SIAH3: variants seen among roughly 807,000 people sequenced by gnomAD.
The protein encoded by SIAH3 is seven in absentia homolog 3.
A neutral mutation model predicts 12.6 loss-of-function variants in SIAH3; 9 were observed. That is an observed-to-expected ratio of 0.72 (90% confidence interval 0.43 to 1.25). The LOEUF is 1.25. Ranked by LOEUF, SIAH3 falls within the 50% of genes most tolerant of loss-of-function variation. SIAH3 has a pLI of 0.00. For missense variants in SIAH3, 390 were observed against 365.4 expected (o/e 1.07, Z -0.55); for synonymous variants, 154 against 151.1 (o/e 1.02, Z -0.14).
Position 45,783,811 on chromosome 13 carries a change from G to A in SIAH3, c.382C>T (p.Arg128Trp), listed in dbSNP as rs372951526. ...GRLEVVVPHL[R>W]QIHRVDILQG... is the part of the protein sequence containing the mutation. Reference sequence around the variant, plus strand: ...AGGATGTCAACCCTATGGATCTGCCGCAGGTGGGGCACCACCACCTCCAGG... The same window carrying A: ...AGGATGTCAACCCTATGGATCTGCCACAGGTGGGGCACCACCACCTCCAGG... The change falls in exon 2 of 2, where the codon CGG (arginine) becomes TGG (tryptophan). Residue 128 changes from arginine (R) to tryptophan (W), a missense_variant. Arg to Trp is a moderately radical substitution (Grantham distance 101). Coordinates refer to ENST00000400405, the MANE Select transcript of SIAH3 (RefSeq NM_198849.3). 1.4e-5 allele frequency: 23 copies of A among 1,614,068 alleles called. No individual in the cohort carries two copies. The highest frequency in any genetic ancestry group is 1.8e-5 in the Non-Finnish European group (21 of 1,180,032).
intron 1 of SIAH3, among the ~76,000 whole-genome samples, chr13:45,848,903 A>G (rs1950769583): frequency 6.6e-6 from 1 of 152,206 alleles, no homozygotes; most frequent in Non-Finnish European, 1.5e-5. Context: ...TTAACAAAAG[A>G]AGGACTTTCC....
At chr13:45,795,837 C>T (rs1191532119) in intron 1 of SIAH3, among the ~76,000 whole-genome samples, 1 of 152,160 alleles carries the variant, frequency 6.6e-6, no homozygotes, top group African/African-American at 2.4e-5. Flanking sequence ...CCTAAATGTT[C>T]TTCTAATGAG....
intron 1 of SIAH3, among the ~76,000 whole-genome samples, chr13:45,812,604 G>C (rs1950619855): frequency 6.6e-6 from 1 of 152,044 alleles, no homozygotes; most frequent in African/African-American, 2.4e-5. Context: ...AGGACCCCGG[G>C]GTACAGCTTC....
chr13:45,808,181 T>G (rs1050618705), intron 1 of SIAH3, among the ~76,000 whole-genome samples: 1 of 152,222 alleles, frequency 6.6e-6, no homozygotes, highest in African/African-American at 2.4e-5. Flanking sequence ...TTGTTGATTT[T>G]CTAGAGTAGA....
intron 1 of SIAH3, among the ~76,000 whole-genome samples, chr13:45,821,943 A>G (rs78576966): frequency 0.024 from 3,697 of 152,302 alleles, 155 homozygotes; most frequent in African/African-American, 0.085. Context: ...TAGGGGCCTG[A>G]GTACCAGCCA....
rs1195721585 is a variant in SIAH3, at chr13:45,794,112, A to ATTT, written c.136-10056_136-10055insAAA. Among the ~76,000 whole-genome samples, 3 of 124,562 alleles carry ATTT rather than the reference A, an allele frequency of 2.4e-5. No homozygotes were observed. In the South Asian group the frequency reaches 7.8e-4, roughly 32 times the overall value. The allele number at this position is 124,562 out of a possible 152,430, so 81.7% of individuals were successfully genotyped here. ...CTCCTGACACTTTTTTTTTTTTTTG[A>ATTT]GATGGAGTCTTACTCTGTCACCCAG... On this transcript the variant is annotated intron_variant, in intron 1 of 1. Transcript: ENST00000400405.
intron 1 of SIAH3, among the ~76,000 whole-genome samples, chr13:45,784,396 C>CTTTTTTTTTTTTT (rs1555256292): frequency 4.9e-5 from 5 of 102,012 alleles, no homozygotes; most frequent in Admixed American, 9.7e-5. Context: ...ACAAAGACAG[C>CTTTTTTTTTTTTT]TGTTTTTTTT....
intron 1 of SIAH3, among the ~76,000 whole-genome samples, chr13:45,828,405 G>C (rs1242177286): frequency 6.6e-6 from 1 of 152,138 alleles, no homozygotes; most frequent in Non-Finnish European, 1.5e-5. Flanking sequence ...CCAAGTAAAG[G>C]TTTGACAAGT....
chr13:45,836,060 C>T (rs1185128529), intron 1 of SIAH3, among the ~76,000 whole-genome samples: 4 of 152,134 alleles, frequency 2.6e-5, no homozygotes. Flanking sequence ...TTGGGGTACT[C>T]ACCATCTGAT....
intron 1 of SIAH3, among the ~76,000 whole-genome samples, chr13:45,790,545 T>C (rs1379542476): frequency 6.6e-6 from 1 of 152,234 alleles, no homozygotes; most frequent in Non-Finnish European, 1.5e-5. Flanking sequence ...AAGCGTTAGC[T>C]GATTTATCCA....
chr13:45,794,522 G>A (rs1436424463), intron 1 of SIAH3, among the ~76,000 whole-genome samples: 1 of 152,150 alleles, frequency 6.6e-6, no homozygotes, highest in Non-Finnish European at 1.5e-5. Context: ...TGTGTTGTGG[G>A]AGGGACCCGG....
At chr13:45,826,437 A>G (rs372830234) in intron 1 of SIAH3, among the ~76,000 whole-genome samples, 17,878 of 27,958 alleles carry the variant, frequency 0.64, 5,262 homozygotes, top group East Asian at 0.78. Context: ...GGATGAATGG[A>G]TGCATGGATG....
chr13:45,841,385 A>G (rs1485655104), intron 1 of SIAH3, among the ~76,000 whole-genome samples: 1 of 152,150 alleles, frequency 6.6e-6, no homozygotes, highest in Non-Finnish European at 1.5e-5. Flanking sequence ...GCAGTGGCCC[A>G]TCTCTTCTGC....
At chr13:45,801,472 G>A (rs1018054273) in intron 1 of SIAH3, among the ~76,000 whole-genome samples, 9 of 152,184 alleles carry the variant, frequency 5.9e-5, no homozygotes, top group African/African-American at 7.2e-5. Context: ...AAAGCAAGAC[G>A]AGAGTAAGAA....
intron 1 of SIAH3, among the ~76,000 whole-genome samples, chr13:45,787,110 C>T (rs1950530699): frequency 2.0e-5 from 3 of 151,972 alleles, no homozygotes; most frequent in Non-Finnish European, 4.4e-5. Flanking sequence ...CAAAGGGAGT[C>T]CAGCAGGTGC....
chr13:45,848,512 C>T (rs531929483), intron 1 of SIAH3, among the ~76,000 whole-genome samples: 4 of 152,320 alleles, frequency 2.6e-5, no homozygotes, highest in African/African-American at 9.6e-5. Flanking sequence ...TCGAAGGAAT[C>T]CCAGGTTACT....
chr13:45,777,525 AGG>A lies in SIAH3; in HGVS notation c.*5856_*5857del, dbSNP rs1950488683. ...TATTGGAAAAGACAAATTCTAACCC[AGG>A]TAGTTCATGTGATGACCTGATTTGG... On this transcript the variant is annotated 3_prime_UTR_variant, in exon 2 of 2. Transcript: ENST00000400405. 1 of 152,214 alleles carries A rather than the reference AGG, an allele frequency of 6.6e-6. No homozygotes were observed. Among genetic ancestry groups the A allele is most frequent in the Non-Finnish European group, 1.5e-5 (1 of 68,042 alleles). 9.4% of individuals were successfully genotyped at this position (152,214 alleles called of 1,614,324 possible).
Position 45,851,348 on chromosome 13 carries a change from G to A in SIAH3, c.135+147C>T, listed in dbSNP as rs1369422216. 3 of 1,039,782 alleles carry A rather than the reference G, an allele frequency of 2.9e-6. No homozygotes were observed. In the East Asian group the frequency reaches 7.3e-5, roughly 25 times the overall value. The allele number at this position is 1,039,782 out of a possible 1,614,324, so 64.4% of individuals were successfully genotyped here. Reference sequence around the variant, plus strand: ...CACCTAGAGAGCGAGAGTGAGCCGAGGCAAACACGCCGGGTTCCAGACACC... The same window carrying A: ...CACCTAGAGAGCGAGAGTGAGCCGAAGCAAACACGCCGGGTTCCAGACACC... On this transcript the variant is annotated intron_variant, in intron 1 of 1. Transcript: ENST00000400405.
chr13:45,810,978 C>T (rs1950614694), intron 1 of SIAH3, among the ~76,000 whole-genome samples: 1 of 152,136 alleles, frequency 6.6e-6, no homozygotes, highest in Non-Finnish European at 1.5e-5. Context: ...AAGGATTGTT[C>T]TGGTATGACT....
Sources: gnomAD v4.1 joint callset for allele counts (sites outside exome capture counted in the v4.1 genomes callset) on GRCh38, gnomAD v4.1.1 for gene constraint, MANE v1.5 for transcripts, NCBI Gene and HGNC (gene_info 2026-07-23, HGNC 2026-07-21) for gene names.